Variants in GALNTL6 observed in about 807,000 individuals in gnomAD.
The protein encoded by GALNTL6 is polypeptide N-acetylgalactosaminyltransferase-like 6.
In GALNTL6, 46 loss-of-function variants were observed where a neutral mutation model predicts 73.7. That is an observed-to-expected ratio of 0.62 (90% CI 0.49 to 0.80). GALNTL6 has a LOEUF of 0.80. Among genes scored for constraint, GALNTL6 ranks in the 30% least tolerant of loss-of-function variants. The pLI is 0.00. For missense variants in GALNTL6, 604 were observed against 755.0 expected (o/e 0.80, Z 2.34); for synonymous variants, 259 against 263.7 (o/e 0.98, Z 0.17).
intron 3 of GALNTL6, among the ~76,000 whole-genome samples, chr4:172,310,110 A>G (rs766447808): frequency 2.6e-5 from 4 of 152,186 alleles, no homozygotes; most frequent in Non-Finnish European, 2.9e-5. Flanking sequence ...ACAGTAAGAA[A>G]TGGCTTTGCA....
intron 2 of GALNTL6, among the ~76,000 whole-genome samples, chr4:171,855,443 GGC>G (rs1213537604): frequency 1.3e-5 from 2 of 152,094 alleles, no homozygotes; most frequent in Non-Finnish European, 2.9e-5. Context: ...TGTCTTTTGT[GGC>G]TTGATAACTC....
At chr4:171,956,642 TTTA>T (rs749561778) in intron 2 of GALNTL6, among the ~76,000 whole-genome samples, 16 of 152,214 alleles carry the variant, frequency 1.1e-4, no homozygotes, top group Non-Finnish European at 1.5e-4. Context: ...TATTCATTGT[TTTA>T]TTATCATTTT....
chr4:172,603,043 C>T (rs545127905), intron 5 of GALNTL6, among the ~76,000 whole-genome samples: 22 of 152,228 alleles, frequency 1.4e-4, no homozygotes, highest in Admixed American at 1.2e-3. Context: ...TGTCAGAAAG[C>T]ATACCAGTGG....
chr4:172,734,502 C>A (rs1292671668), intron 5 of GALNTL6, among the ~76,000 whole-genome samples: 2 of 152,110 alleles, frequency 1.3e-5, no homozygotes, highest in Non-Finnish European at 2.9e-5. Flanking sequence ...AATCTGAAAT[C>A]CAATAGGGCA....
chr4:172,341,202 AGCACTT>A (rs1386895458), intron 4 of GALNTL6, among the ~76,000 whole-genome samples: 1 of 152,022 alleles, frequency 6.6e-6, no homozygotes, highest in Non-Finnish European at 1.5e-5. Context: ...CTGTAATCCC[AGCACTT>A]TGGGAGGCCG....
chr4:171,986,647 G>C (rs1740098906), intron 2 of GALNTL6, among the ~76,000 whole-genome samples: 2 of 152,110 alleles, frequency 1.3e-5, no homozygotes, highest in African/African-American at 4.8e-5. Flanking sequence ...GGAAGATTTT[G>C]TGGTAAGGGG....
intron 5 of GALNTL6, among the ~76,000 whole-genome samples, chr4:172,743,704 AACTGT>A (rs1232440254): frequency 6.6e-6 from 1 of 152,144 alleles, no homozygotes; most frequent in Non-Finnish European, 1.5e-5. Context: ...CAGAGAACAT[AACTGT>A]GCAGATGTGC....
intron 9 of GALNTL6, among the ~76,000 whole-genome samples, chr4:172,942,931 G>A (rs188569826): frequency 4.6e-5 from 7 of 152,076 alleles, no homozygotes; most frequent in South Asian, 2.1e-4. Flanking sequence ...TCTCTTCAAC[G>A]GTTCCAGCTT....
At chr4:172,863,984 T>C (rs1053308165) in intron 7 of GALNTL6, among the ~76,000 whole-genome samples, 2 of 152,112 alleles carry the variant, frequency 1.3e-5, no homozygotes, top group Non-Finnish European at 2.9e-5. Context: ...TCTCATGAGA[T>C]CTGATGGTTT....
chr4:172,609,396 A>G (rs1047796407), intron 5 of GALNTL6, among the ~76,000 whole-genome samples: 1 of 152,154 alleles, frequency 6.6e-6, no homozygotes, highest in African/African-American at 2.4e-5. Context: ...ATCTATTGAG[A>G]TAATCATGTG....
intron 2 of GALNTL6, among the ~76,000 whole-genome samples, chr4:172,132,012 A>T (rs984562537): frequency 6.6e-6 from 1 of 152,046 alleles, no homozygotes; most frequent in Non-Finnish European, 1.5e-5. Context: ...AGCACTTAAA[A>T]TTTTTTGTTT....
intron 4 of GALNTL6, among the ~76,000 whole-genome samples, chr4:172,344,063 C>T (rs1052347114): frequency 2.6e-5 from 4 of 152,076 alleles, no homozygotes; most frequent in African/African-American, 7.2e-5. Flanking sequence ...TATTTCAACA[C>T]GTTTTAGTTT....
intron 2 of GALNTL6, among the ~76,000 whole-genome samples, chr4:171,967,269 G>T (rs1385372221): frequency 2.0e-5 from 3 of 152,306 alleles, no homozygotes; most frequent in East Asian, 3.9e-4. Context: ...CAACAGGTGT[G>T]CTTGTTTCAT....
intron 5 of GALNTL6, among the ~76,000 whole-genome samples, chr4:172,429,227 T>TATTTTATTTTATTTTATTTG (rs1561079090): frequency 6.6e-6 from 1 of 151,344 alleles, no homozygotes; most frequent in Non-Finnish European, 1.5e-5. Flanking sequence ...TATTTTATTT[T>TATTTTATTTTATTTTATTTG]TTGAGACTGA....
At chr4:172,899,516 C>T (rs1171226911) in intron 8 of GALNTL6, among the ~76,000 whole-genome samples, 1 of 152,042 alleles carries the variant, frequency 6.6e-6, no homozygotes, top group Non-Finnish European at 1.5e-5. Context: ...CACTTTGTTA[C>T]AGTGTGTGTG....
intron 3 of GALNTL6, among the ~76,000 whole-genome samples, chr4:172,259,767 C>T (rs1738195437): frequency 6.6e-6 from 1 of 151,542 alleles, no homozygotes; most frequent in African/African-American, 2.4e-5. Context: ...TTTGATCCAT[C>T]TTGAGTAGAT....
intron 2 of GALNTL6, among the ~76,000 whole-genome samples, chr4:172,172,286 C>T (rs939324796): frequency 4.6e-5 from 7 of 152,118 alleles, no homozygotes. Flanking sequence ...CAACCTCTGC[C>T]TCCTGGGTTC....
intron 5 of GALNTL6, among the ~76,000 whole-genome samples, chr4:172,788,567 G>C (rs1237709672): frequency 6.6e-6 from 1 of 151,224 alleles, no homozygotes; most frequent in Non-Finnish European, 1.5e-5. Flanking sequence ...AGCTACTCGG[G>C]AGGCTGAGGC....
chr4:172,696,023 A>C (rs572120427), intron 5 of GALNTL6, among the ~76,000 whole-genome samples: 1 of 152,128 alleles, frequency 6.6e-6, no homozygotes, highest in Admixed American at 6.5e-5. Context: ...CCATTTTTAG[A>C]TATTAACTAA....
Sources: gnomAD v4.1 joint callset for allele counts (sites outside exome capture counted in the v4.1 genomes callset) on GRCh38, gnomAD v4.1.1 for gene constraint, MANE v1.5 for transcripts, NCBI Gene and HGNC (gene_info 2026-07-23, HGNC 2026-07-21) for gene names.